The following CDCA3 variants were observed in gnomAD, a reference collection of about 807,000 sequenced individuals.
CDCA3 encodes cell division cycle associated 3, also known as cell division cycle-associated protein 3.
Under a neutral mutation model 29.1 loss-of-function variants are expected in CDCA3, and 16 were observed. The ratio of observed to expected loss-of-function variants is 0.55; its 90% confidence interval spans 0.37 to 0.83. CDCA3 has a LOEUF of 0.83. Among genes scored for constraint, CDCA3 ranks in the 40% least tolerant of loss-of-function variants. The pLI, the probability that CDCA3 is intolerant of heterozygous loss-of-function variation, is 0.00. For missense variants in CDCA3, 291 were observed against 327.2 expected (o/e 0.89, Z 0.85); for synonymous variants, 88 against 124.5 (o/e 0.71, Z 1.95).
In CDCA3 at chr12:6,849,316, C is replaced by A. The variant is rs782741564; in HGVS notation, c.651+7G>T. On this transcript the variant is annotated splice_region_variant and intron_variant, in intron 5 of 5. Coordinates refer to ENST00000538862, the MANE Select transcript of CDCA3 (RefSeq NM_031299.7). The surrounding 1 kb of genome is among the most constrained non-coding windows in gnomAD (Gnocchi z 5.2). ...CTAGTAACAGCTTGCACTTTCTCTT[C>A]CTTTACCTGTCGTAGTGTCAGGGTG... is the stretch of plus-strand genomic sequence containing the variant. 10 of 1,596,782 alleles carry A rather than the reference C, an allele frequency of 6.3e-6. No homozygotes were observed. Among genetic ancestry groups the A allele is most frequent in the Non-Finnish European group, 8.5e-6 (10 of 1,170,708 alleles).
chr12:6,850,158 CTT>C lies in CDCA3; in HGVS notation c.251-302_251-301del. The C allele has an allele frequency of 2.1e-6, 1 of 473,998 alleles. No homozygotes were observed. Among genetic ancestry groups the C allele is most frequent in the Non-Finnish European group, 3.7e-6 (1 of 269,856 alleles). 29.4% of individuals were successfully genotyped at this position (473,998 alleles called of 1,614,324 possible). A position where few individuals can be genotyped will look rare whatever the true frequency, so the allele number is the denominator to read the frequency against. On this transcript the variant is annotated intron_variant, in intron 3 of 5. Coordinates refer to ENST00000538862, the MANE Select transcript of CDCA3 (RefSeq NM_031299.7). The surrounding 1 kb of genome is among the most constrained non-coding windows in gnomAD (Gnocchi z 4.7). ...GGGATCACAGGCCCATGCCACCGTG[CTT>C]TTGTGTGTGTGTGTGTGTGTTATGT...
chr12:6,848,249 G>A (rs1318038054), downstream of CDCA3: 1 of 152,350 alleles, frequency 6.6e-6, no homozygotes, highest in Admixed American at 6.5e-5. Flanking sequence ...CTACTGGAGA[G>A]GCTGAGACAG....
At chr12:6,845,508 A>G, downstream of CDCA3, 1 of 950,504 alleles carries the variant, frequency 1.1e-6, no homozygotes. Flanking sequence ...TGGAGCTGTC[A>G]GGTGGGAGGC....
Position 6,850,602 on chromosome 12 carries a change from A to G in CDCA3, c.121-6T>C, listed in dbSNP as rs782140009. The G allele has an allele frequency of 3.1e-6, 5 of 1,614,062 alleles. No individual in the cohort carries two copies. Among genetic ancestry groups the G allele is most frequent in the Middle Eastern group, 1.6e-4 (1 of 6,062 alleles). ...GGCTGTGGAGAGCTCTCCACCTGTCAAGACCATAGGCTAGAACAAGTCTGG... is the reference window on the plus strand; with the variant it reads ...GGCTGTGGAGAGCTCTCCACCTGTCGAGACCATAGGCTAGAACAAGTCTGG... On this transcript the variant is annotated splice_polypyrimidine_tract_variant and splice_region_variant and intron_variant, in intron 2 of 5. Coordinates refer to ENST00000538862, the MANE Select transcript of CDCA3 (RefSeq NM_031299.7). This position sits in a 1 kb window ranked among gnomAD's most constrained non-coding sequence, Gnocchi z 4.7.
In CDCA3 at chr12:6,849,641, TCTTG is replaced by T. The variant is rs782121123; in HGVS notation, c.464_467del (p.Ala155AspfsTer41). ...TGGCCACAGGGGTTTCTGTGGGCTG[TCTTG>T]CTTCCTCCTTGGAAAACACCTGTTT... On this transcript the variant is annotated frameshift_variant, in exon 4 of 6. Coordinates refer to ENST00000538862, the MANE Select transcript of CDCA3 (RefSeq NM_031299.7). LOFTEE classifies it high-confidence loss of function. The surrounding 1 kb of genome is among the most constrained non-coding windows in gnomAD (Gnocchi z 5.2). The T allele has an allele frequency of 1.2e-6, 2 of 1,614,156 alleles. No homozygotes were observed. The highest frequency in any genetic ancestry group is 1.7e-6 in the Non-Finnish European group (2 of 1,180,014).
downstream of CDCA3, chr12:6,846,845 G>T: frequency 6.2e-7 from 1 of 1,602,582 alleles, no homozygotes. Context: ...CACAGCTGAC[G>T]GGATGGCTGT....
In CDCA3 at chr12:6,850,370, A is replaced by G. The variant is rs1943822766; in HGVS notation, c.250+97T>C. The G allele has an allele frequency of 1.4e-6, 2 of 1,477,290 alleles. No individual in the cohort carries two copies. The highest frequency in any genetic ancestry group is 1.8e-5 in the Admixed American group (1 of 56,662). 91.5% of individuals were successfully genotyped at this position (1,477,290 alleles called of 1,614,324 possible). A position where few individuals can be genotyped will look rare whatever the true frequency, so the allele number is the denominator to read the frequency against. ...AGATGGGTCCGAAGCAGGAGGATAG[A>G]GGCCCCTTTAAGGAACCCTGAGAGA... On this transcript the variant is annotated intron_variant, in intron 3 of 5. Transcript: ENST00000538862. This position sits in a 1 kb window ranked among gnomAD's most constrained non-coding sequence, Gnocchi z 4.7.
chr12:6,849,986 T>A lies in CDCA3; in HGVS notation c.251-128A>T. On this transcript the variant is annotated intron_variant, in intron 3 of 5. Transcript: ENST00000538862. The surrounding 1 kb of genome is among the most constrained non-coding windows in gnomAD (Gnocchi z 5.2). The stretch of plus-strand genomic sequence containing the variant: ...AGTGGGAAGAGAGAAATCAAGGAAA[T>A]CAAGGTGAAAGGGAGCAATTTTTTT... The A allele has an allele frequency of 1.1e-6, 1 of 891,654 alleles. No homozygotes were observed. Among genetic ancestry groups the A allele is most frequent in the Non-Finnish European group, 1.6e-6 (1 of 621,580 alleles). 55.2% of individuals were successfully genotyped at this position (891,654 alleles called of 1,614,324 possible).
At chr12:6,847,606 G>C (rs192016729), downstream of CDCA3, among the ~76,000 whole-genome samples, 8 of 152,318 alleles carry the variant, frequency 5.3e-5, no homozygotes, top group African/African-American at 1.9e-4. Flanking sequence ...TGCCTGTGGT[G>C]CCCATGTGTT....
chr12:6,849,215 A>T lies in CDCA3; in HGVS notation c.652-17T>A. 1.2e-6 allele frequency: 2 copies of T among 1,613,978 alleles called. No homozygotes were observed. Among genetic ancestry groups the T allele is most frequent in the Non-Finnish European group, 1.7e-6 (2 of 1,179,894 alleles). On this transcript the variant is annotated splice_polypyrimidine_tract_variant and intron_variant, in intron 5 of 5. Coordinates refer to ENST00000538862, the MANE Select transcript of CDCA3 (RefSeq NM_031299.7). This position sits in a 1 kb window ranked among gnomAD's most constrained non-coding sequence, Gnocchi z 5.2. ...CCGCTTACCCTGAAAACGGCAGTGT[A>T]TGAGTTGGGGGGAGTTGCTGTTCAG...
downstream of CDCA3, chr12:6,845,870 T>G (rs1370074642): frequency 4.7e-6 from 5 of 1,071,640 alleles, no homozygotes; most frequent in Non-Finnish European, 5.7e-6. Flanking sequence ...CTCCCCATTC[T>G]GTACCCCCCA....
Position 6,849,218 on chromosome 12 carries a change from A to C in CDCA3, c.652-20T>G. 1 of 1,613,660 alleles carries C rather than the reference A, an allele frequency of 6.2e-7. No homozygotes were observed. Among genetic ancestry groups the C allele is most frequent in the Non-Finnish European group, 8.5e-7 (1 of 1,179,696 alleles). ...CTTACCCTGAAAACGGCAGTGTATG[A>C]GTTGGGGGGAGTTGCTGTTCAGAAG... On this transcript the variant is annotated intron_variant, in intron 5 of 5. Transcript: ENST00000538862. This position sits in a 1 kb window ranked among gnomAD's most constrained non-coding sequence, Gnocchi z 5.2.
chr12:6,847,157 C>T (rs1555124934), downstream of CDCA3: 1 of 444,386 alleles, frequency 2.3e-6, no homozygotes, highest in Non-Finnish European at 4.1e-6. Context: ...GCAAGGACAA[C>T]CTGCCCCTCC....
chr12:6,850,469 C>G lies in CDCA3; in HGVS notation c.248G>C (p.Gly83Ala). 1 of 1,614,146 alleles carries G rather than the reference C, an allele frequency of 6.2e-7. No individual in the cohort carries two copies. The highest frequency in any genetic ancestry group is 8.5e-7 in the Non-Finnish European group (1 of 1,180,024). The change falls in exon 3 of 6, where the codon GGA becomes GCA. Residue 83 changes from glycine to alanine, a missense_variant and splice_region_variant. Gly to Ala is a moderately conservative substitution (Grantham distance 60). Transcript: ENST00000538862. This position sits in a 1 kb window ranked among gnomAD's most constrained non-coding sequence, Gnocchi z 4.7. Reference sequence around the variant, plus strand: ...CATTCCCTGGGCCCAACGCTTACCTCCACTGCTGGTCTTCATAGGTGTCCG... The same window carrying G: ...CATTCCCTGGGCCCAACGCTTACCTGCACTGCTGGTCTTCATAGGTGTCCG... Reference protein sequence around the residue: ...IARTPMKTSSGDPPSPLVKQL... With the variant: ...IARTPMKTSSADPPSPLVKQL...
chr12:6,845,659 A>C, downstream of CDCA3: 2 of 1,614,040 alleles, frequency 1.2e-6, no homozygotes, highest in Non-Finnish European at 1.7e-6. Context: ...CTGCGGGCAG[A>C]CCAGGAGCTG....
downstream of CDCA3, chr12:6,848,708 C>T (rs1943753097): frequency 6.7e-6 from 2 of 299,178 alleles, no homozygotes; most frequent in Non-Finnish European, 1.2e-5. Flanking sequence ...GCCATAGGGA[C>T]ACCATGGTTA....
chr12:6,845,982 T>C, downstream of CDCA3: 1 of 599,914 alleles, frequency 1.7e-6, no homozygotes, highest in Non-Finnish European at 3.0e-6. Context: ...CTGTTTTCCC[T>C]CAGTGTTGCT....
Position 6,851,210 on chromosome 12 carries a change from C to G in CDCA3, c.-58+12G>C. On this transcript the variant is annotated intron_variant, in intron 1 of 5. Transcript: ENST00000538862. ...CCTCTAACTTATTTATTAAATTATTCAAATCACTTACCGGGCCCCAATTCC... is the reference window on the plus strand; with the variant it reads ...CCTCTAACTTATTTATTAAATTATTGAAATCACTTACCGGGCCCCAATTCC... 7.8e-7 allele frequency: 1 copy of G among 1,283,654 alleles called. No homozygotes were observed. The highest frequency in any genetic ancestry group is 9.9e-7 in the Non-Finnish European group (1 of 1,014,448). 79.5% of individuals were successfully genotyped at this position (1,283,654 alleles called of 1,614,324 possible). A position where few individuals can be genotyped will look rare whatever the true frequency, so the allele number is the denominator to read the frequency against.
downstream of CDCA3, among the ~76,000 whole-genome samples, chr12:6,847,723 T>C (rs1415634211): frequency 6.6e-6 from 1 of 152,082 alleles, no homozygotes; most frequent in Non-Finnish European, 1.5e-5. Flanking sequence ...CATTGAGGAG[T>C]TCTGAGCAGA....
Sources: allele counts gnomAD v4.1 joint callset (sites outside exome capture counted in the v4.1 genomes callset), GRCh38; gene constraint gnomAD v4.1.1; non-coding constraint Gnocchi (gnomAD v3.1); transcripts MANE v1.5; gene names NCBI Gene and HGNC (gene_info 2026-07-23, HGNC 2026-07-21).